Variants in CFTR observed in about 807,000 individuals in gnomAD.
CFTR encodes the protein cystic fibrosis transmembrane conductance regulator.
Under a neutral mutation model 171.6 loss-of-function variants are expected in CFTR, and 181 were observed. The ratio of observed to expected loss-of-function variants is 1.05; its 90% CI spans 0.93 to 1.19. The LOEUF (loss-of-function observed/expected upper bound fraction) is 1.19. Among genes scored for constraint, CFTR ranks in the 50% most tolerant of loss-of-function variants. CFTR has a pLI of 0.00. For synonymous variants in CFTR, 583 were observed against 608.0 expected (o/e 0.96, Z 0.60); for missense variants, 1,968 against 1,734.7 (o/e 1.13, Z -2.39).
intron 1 of CFTR, among the ~76,000 whole-genome samples, chr7:117,494,772 A>G (rs1158068070): frequency 6.6e-6 from 1 of 152,152 alleles, no homozygotes; most frequent in East Asian, 1.9e-4. Context: ...AGTTAAATCA[A>G]TATATCATGT....
At chr7:117,484,993 GCTAA>G (rs1481814227) in intron 1 of CFTR, among the ~76,000 whole-genome samples, 1 of 152,084 alleles carries the variant, frequency 6.6e-6, no homozygotes, top group Non-Finnish European at 1.5e-5. Flanking sequence ...ATCCCTCAGA[GCTAA>G]CTGTTACACT....
chr7:117,542,552 GA>G (rs971815448), intron 9 of CFTR, among the ~76,000 whole-genome samples: 6 of 146,334 alleles, frequency 4.1e-5, no homozygotes, highest in Admixed American at 1.4e-4. Context: ...GTCTGAAAAA[GA>G]AAAAAAAATA....
intron 24 of CFTR, among the ~76,000 whole-genome samples, chr7:117,659,090 C>A (rs1793224506): frequency 6.6e-6 from 1 of 152,188 alleles, no homozygotes; most frequent in South Asian, 2.1e-4. Flanking sequence ...CTCTAAAGCA[C>A]ATGTGCTTTC....
chr7:117,596,159 TG>T (rs1332136813), intron 15 of CFTR, among the ~76,000 whole-genome samples: 2 of 83,762 alleles, frequency 2.4e-5, no homozygotes, highest in Admixed American at 2.9e-4. Flanking sequence ...GGAGAGGCGC[TG>T]GGGGAACTGG....
At chr7:117,594,890 T>G in intron 14 of CFTR, 40 bp from the exon 15 acceptor site, 2 of 1,600,152 alleles carry the variant, frequency 1.2e-6, no homozygotes, top group Non-Finnish European at 1.7e-6. Flanking sequence ...GGCATGAAAC[T>G]GTACTGTCTT....
Position 117,530,973 on chromosome 7 carries a change from A to G in CFTR, c.348A>G (p.Glu116=). The stretch of plus-strand genomic sequence containing the variant: ...CCTATGACCCGGATAACAAGGAGGA[A>G]CGCTCTATCGCGATTTATCTAGGCA... The part of the protein sequence containing the change: ...IASYDPDNKE[E]RSIAIYLGIG... Residue 116 remains glutamate, a synonymous_variant, in exon 4 of 27, where the codon GAA becomes GAG. Transcript: ENST00000003084. 6.2e-7 allele frequency: 1 copy of G among 1,613,802 alleles called. No homozygotes were observed. The highest frequency in any genetic ancestry group is 1.1e-5 in the South Asian group (1 of 91,062).
chr7:117,594,170 T>C (rs578213011), intron 14 of CFTR, among the ~76,000 whole-genome samples: 2 of 151,984 alleles, frequency 1.3e-5, no homozygotes, highest in East Asian at 1.9e-4. Flanking sequence ...ATGGTGGAGG[T>C]TGGGTTCAAA....
At chr7:117,593,640 G>C (rs213970) in intron 14 of CFTR, among the ~76,000 whole-genome samples, 82,684 of 152,032 alleles carry the variant, frequency 0.54, 25,191 homozygotes, top group African/African-American at 0.83. Flanking sequence ...CTGTCACCTA[G>C]GCTGGAGTGC....
At chr7:117,595,330 A>C (rs908905983) in intron 15 of CFTR, among the ~76,000 whole-genome samples, 2 of 150,682 alleles carry the variant, frequency 1.3e-5, no homozygotes, top group African/African-American at 4.8e-5. Flanking sequence ...TTATTATTTC[A>C]TATTACATAT....
intron 1 of CFTR, among the ~76,000 whole-genome samples, chr7:117,493,370 T>C (rs1798191673): frequency 6.6e-6 from 1 of 152,060 alleles, no homozygotes; most frequent in South Asian, 2.1e-4. Flanking sequence ...AAAAAAAAGA[T>C]GTAAATATTA....
chr7:117,519,403 A>C (rs1798650736), intron 3 of CFTR, among the ~76,000 whole-genome samples: 1 of 152,116 alleles, frequency 6.6e-6, no homozygotes, highest in Non-Finnish European at 1.5e-5. Flanking sequence ...TACCCTGCCA[A>C]AAGCAAAATC....
chr7:117,504,316 A>C lies in CFTR; in HGVS notation c.117A>C (p.Gln39His), dbSNP rs764522674. 1 of 1,612,564 alleles carries C rather than the reference A, an allele frequency of 6.2e-7. No homozygotes were observed. Among genetic ancestry groups the C allele is most frequent in the East Asian group, 2.2e-5 (1 of 44,816 alleles). The stretch of plus-strand genomic sequence containing the variant: ...GCCTGGAATTGTCAGACATATACCA[A>C]ATCCCTTCTGTTGATTCTGCTGACA... ...RQRLELSDIYQIPSVDSADNL... is the reference protein window; with the variant it reads ...RQRLELSDIYHIPSVDSADNL... The change falls in exon 2 of 27, where the codon CAA (glutamine) becomes CAC (histidine). Residue 39 changes from glutamine (Q) to histidine (H), a missense_variant. By Grantham distance (24) the Gln-to-His change is conservative. Transcript: ENST00000003084.
At chr7:117,505,847 A>G (rs748115502) in intron 2 of CFTR, among the ~76,000 whole-genome samples, 1 of 152,196 alleles carries the variant, frequency 6.6e-6, no homozygotes, top group South Asian at 2.1e-4. Context: ...AGGCAAAGTA[A>G]GATATTAAAC....
chr7:117,501,781 A>AAAAAAAAAAAAAAAAAAAAAGAAACAAAC (rs1798335396), intron 1 of CFTR, among the ~76,000 whole-genome samples: 2 of 139,006 alleles, frequency 1.4e-5, no homozygotes, highest in Non-Finnish European at 3.1e-5. Context: ...AGAAACAAAA[A>AAAAAAAAAAAAAAAAAAAAAGAAACAAAC]AAAAAAAAAA....
At chr7:117,627,889 A>G (rs138662391) in intron 22 of CFTR, 119 bp downstream of exon 22, 3 of 1,045,656 alleles carry the variant, frequency 2.9e-6, no homozygotes, top group African/African-American at 1.6e-5. Flanking sequence ...TAGAATCAAT[A>G]TTAAACACAC....
intron 3 of CFTR, among the ~76,000 whole-genome samples, chr7:117,514,937 G>A (rs1236275476): frequency 1.3e-5 from 2 of 151,996 alleles, no homozygotes; most frequent in Admixed American, 1.3e-4. Context: ...AAATATGTTT[G>A]TTGGCCATGT....
chr7:117,558,352 A>C (rs1338163968), intron 10 of CFTR, among the ~76,000 whole-genome samples: 1 of 152,062 alleles, frequency 6.6e-6, no homozygotes. Flanking sequence ...TAGGAGATCA[A>C]GACCATCCTG....
chr7:117,487,447 C>T (rs1361793241), intron 1 of CFTR, among the ~76,000 whole-genome samples: 1 of 152,090 alleles, frequency 6.6e-6, no homozygotes, highest in Non-Finnish European at 1.5e-5. Context: ...CAGTGCTTTT[C>T]ACATCACGGG....
intron 15 of CFTR, among the ~76,000 whole-genome samples, chr7:117,598,166 C>T (rs533192055): frequency 5.3e-5 from 8 of 152,186 alleles, no homozygotes; most frequent in South Asian, 2.1e-4. Flanking sequence ...TTTTAAAATA[C>T]GGGTAGTTGA....
Sources: allele counts gnomAD v4.1 joint callset (sites outside exome capture counted in the v4.1 genomes callset), GRCh38; gene constraint gnomAD v4.1.1; transcripts MANE v1.5; gene names NCBI Gene and HGNC (gene_info 2026-07-23, HGNC 2026-07-21).